ITGA1: variants seen among roughly 807,000 people sequenced by gnomAD.
ITGA1 encodes the protein integrin subunit alpha 1.
Under a neutral mutation model 145.9 loss-of-function variants are expected in ITGA1, and 85 were observed. That is an observed-to-expected ratio of 0.58 (90% CI 0.49 to 0.70). The LOEUF (loss-of-function observed/expected upper bound fraction) is 0.70, where lower values mean the gene tolerates loss of function less well. Among genes scored for constraint, ITGA1 ranks in the 30% least tolerant of loss-of-function variants. The pLI, the probability that ITGA1 is intolerant of heterozygous loss-of-function variation, is 0.00. For missense variants in ITGA1, 1,351 were observed against 1,418.7 expected, an observed-to-expected ratio of 0.95 and a Z score of 0.77; for synonymous variants, 520 against 495.3, an observed-to-expected ratio of 1.05 and a Z score of -0.66.
At chr5:52,855,142 CAG>C (rs1483616275) in intron 2 of ITGA1, among the ~76,000 whole-genome samples, 1 of 152,130 alleles carries the variant, frequency 6.6e-6, no homozygotes, top group Admixed American at 6.6e-5. Flanking sequence ...GAAACTGAGA[CAG>C]AGAATGAATG....
At chr5:52,849,239 C>A in intron 1 of ITGA1, 126 bp from the exon 2 acceptor site, 2 of 773,996 alleles carry the variant, frequency 2.6e-6, no homozygotes, top group Admixed American at 3.0e-5. Flanking sequence ...AGTTTTCATT[C>A]TTTGAGCTTC....
Position 52,887,722 on chromosome 5 carries a change from A to T in ITGA1, c.774-93A>T, listed in dbSNP as rs987374078. 4.0e-6 allele frequency: 5 copies of T among 1,254,460 alleles called. No homozygotes were observed. The African/African-American group carries it at 6.0e-5, about 15-fold the overall frequency. 77.7% of individuals were successfully genotyped at this position (1,254,460 alleles called of 1,614,324 possible). On this transcript the variant is annotated intron_variant, in intron 7 of 28. Transcript: ENST00000282588. ...TAATTTTGGAGGGAAGCACCAGGCT[A>T]CCTAGAGTAGTCAGTGTTTTTGTTT...
chr5:52,886,999 G>A (rs183298855), intron 7 of ITGA1, among the ~76,000 whole-genome samples: 1 of 152,078 alleles, frequency 6.6e-6, no homozygotes, highest in East Asian at 1.9e-4. Context: ...GGATAGTCTC[G>A]ATCTCTTGAC....
At chr5:52,838,105 T>C (rs535838640) in intron 1 of ITGA1, among the ~76,000 whole-genome samples, 1 of 152,330 alleles carries the variant, frequency 6.6e-6, no homozygotes, top group African/African-American at 2.4e-5. Context: ...GACAAGTTTT[T>C]AGTTGAGCAG....
chr5:52,876,879 T>G (rs1405185429), intron 6 of ITGA1, among the ~76,000 whole-genome samples: 1 of 152,058 alleles, frequency 6.6e-6, no homozygotes, highest in Non-Finnish European at 1.5e-5. Flanking sequence ...GTAAGAAAAG[T>G]TTTGCAGAGA....
chr5:52,887,385 G>A (rs527419180), intron 7 of ITGA1, among the ~76,000 whole-genome samples: 1 of 152,186 alleles, frequency 6.6e-6, no homozygotes, highest in East Asian at 1.9e-4. Flanking sequence ...TAGCTGTGGG[G>A]GAAGCAAAAT....
chr5:52,891,027 T>C (rs1264008368), intron 8 of ITGA1, among the ~76,000 whole-genome samples: 1 of 152,158 alleles, frequency 6.6e-6, no homozygotes, highest in Non-Finnish European at 1.5e-5. Context: ...TGTTCTTCAG[T>C]TCCATCCATG....
Position 52,939,703 on chromosome 5 carries a change from C to A in ITGA1, c.3180+12C>A. On this transcript the variant is annotated intron_variant, in intron 25 of 28. Coordinates refer to ENST00000282588, the MANE Select transcript of ITGA1 (RefSeq NM_181501.2). ...GAGGCACAATTCTGGTAAATTAAGA[C>A]AAGTGCTATTTTTACCTTTTGCTTT... 1 of 1,578,388 alleles carries A rather than the reference C, an allele frequency of 6.3e-7. No homozygotes were observed. The highest frequency in any genetic ancestry group is 8.7e-7 in the Non-Finnish European group (1 of 1,148,472).
chr5:52,958,065 T>G lies in ITGA1; in HGVS notation c.*5614T>G, dbSNP rs1751328556. On this transcript the variant is annotated 3_prime_UTR_variant, in exon 29 of 29. Coordinates refer to ENST00000282588, the MANE Select transcript of ITGA1 (RefSeq NM_181501.2). Reference sequence around the variant, plus strand: ...CTATTGCATTACTTATCCTCACCCTTGTTTTTTAAGAGGTAGAGAGAGATT... The same window carrying G: ...CTATTGCATTACTTATCCTCACCCTGGTTTTTTAAGAGGTAGAGAGAGATT... 1 of 152,168 alleles carries G rather than the reference T, an allele frequency of 6.6e-6. No individual in the cohort carries two copies. The highest frequency in any genetic ancestry group is 1.5e-5 in the Non-Finnish European group (1 of 68,022). The allele number at this position is 152,168 out of a possible 1,614,324, so 9.4% of individuals were successfully genotyped here.
At chr5:52,810,973 G>A (rs1748675926) in intron 1 of ITGA1, among the ~76,000 whole-genome samples, 1 of 152,062 alleles carries the variant, frequency 6.6e-6, no homozygotes, top group Non-Finnish European at 1.5e-5. Flanking sequence ...ATGTTCTTCT[G>A]GATGAATTAG....
At chr5:52,942,414 G>A (rs1751067288) in intron 26 of ITGA1, among the ~76,000 whole-genome samples, 1 of 151,886 alleles carries the variant, frequency 6.6e-6, no homozygotes, top group Admixed American at 6.6e-5. Context: ...TCTTTTATTT[G>A]TCTCATCTCT....
At chr5:52,920,979 C>T in intron 17 of ITGA1, among the ~76,000 whole-genome samples, 1 of 103,592 alleles carries the variant, frequency 9.7e-6, no homozygotes, top group South Asian at 3.5e-4. Context: ...AGGCTTTGTG[C>T]TACTTCAGTT....
Position 52,861,674 on chromosome 5 carries a change from C to T in ITGA1, c.295+115C>T, listed in dbSNP as rs1275502405. 4 of 662,146 alleles carry T rather than the reference C, an allele frequency of 6.0e-6. No individual in the cohort carries two copies. In the Admixed American group the frequency reaches 8.4e-5, roughly 14 times the overall value. The allele number at this position is 662,146 out of a possible 1,614,324, so 41.0% of individuals were successfully genotyped here. On this transcript the variant is annotated intron_variant, in intron 3 of 28. Coordinates refer to ENST00000282588, the MANE Select transcript of ITGA1 (RefSeq NM_181501.2). ...TCGTTTGAGCCCAGGAGTTTGAGACCAGCCTGGGCAACCTGACGAAACCTC... is the reference window on the plus strand; with the variant it reads ...TCGTTTGAGCCCAGGAGTTTGAGACTAGCCTGGGCAACCTGACGAAACCTC...
At chr5:52,856,985 T>C (rs1749524908) in intron 2 of ITGA1, among the ~76,000 whole-genome samples, 1 of 152,210 alleles carries the variant, frequency 6.6e-6, no homozygotes, top group East Asian at 1.9e-4. Context: ...TTATCCTCTG[T>C]TAAGCAACAC....
chr5:52,856,067 C>G (rs1011049598), intron 2 of ITGA1, among the ~76,000 whole-genome samples: 1 of 152,138 alleles, frequency 6.6e-6, no homozygotes, highest in Non-Finnish European at 1.5e-5. Flanking sequence ...ATCACCATAT[C>G]CTAAGTGCTT....
intron 2 of ITGA1, among the ~76,000 whole-genome samples, chr5:52,852,863 T>TA (rs910157150): frequency 3.2e-4 from 48 of 151,962 alleles, no homozygotes; most frequent in African/African-American, 1.0e-3. Flanking sequence ...TATCATCAAT[T>TA]AAAAAAAAGC....
At chr5:52,848,331 T>A (rs988353662) in intron 1 of ITGA1, among the ~76,000 whole-genome samples, 11 of 152,206 alleles carry the variant, frequency 7.2e-5, no homozygotes, top group African/African-American at 2.7e-4. Flanking sequence ...TCTCTGTAGT[T>A]GAAATGGGAA....
intron 7 of ITGA1, among the ~76,000 whole-genome samples, chr5:52,886,971 G>A (rs761567102): frequency 1.3e-5 from 2 of 152,062 alleles, no homozygotes; most frequent in African/African-American, 2.4e-5. Flanking sequence ...TAGAGACGGG[G>A]TTTCACCTTC....
At chr5:52,819,715 C>G (rs1239492741) in intron 1 of ITGA1, among the ~76,000 whole-genome samples, 1 of 152,164 alleles carries the variant, frequency 6.6e-6, no homozygotes, top group African/African-American at 2.4e-5. Flanking sequence ...GACATGAAGT[C>G]CTTGCCCATG....
Sources: gnomAD v4.1 joint callset for allele counts (sites outside exome capture counted in the v4.1 genomes callset) on GRCh38, gnomAD v4.1.1 for gene constraint, MANE v1.5 for transcripts, NCBI Gene and HGNC (gene_info 2026-07-23, HGNC 2026-07-21) for gene names.